PRORP: variants seen among roughly 807,000 people sequenced by gnomAD.
PRORP encodes the protein protein only RNase P catalytic subunit.
In PRORP, 51 loss-of-function variants were observed where a neutral mutation model predicts 59.4. That is an observed-to-expected ratio of 0.86 (90% CI 0.69 to 1.08). The LOEUF (loss-of-function observed/expected upper bound fraction) is 1.08, where lower values mean the gene tolerates loss of function less well. Among genes scored for constraint, PRORP ranks in the 50% least tolerant of loss-of-function variants. The pLI is 0.00. For missense variants in PRORP, 646 were observed against 690.3 expected, an observed-to-expected ratio of 0.94 and a Z score of 0.72; for synonymous variants, 231 against 245.6, an observed-to-expected ratio of 0.94 and a Z score of 0.55.
intron 5 of PRORP, among the ~76,000 whole-genome samples, chr14:35,224,889 T>G (rs888825199): frequency 6.6e-6 from 1 of 150,532 alleles, no homozygotes; most frequent in Non-Finnish European, 1.5e-5. Flanking sequence ...ATGAACTCCT[T>G]TTTTTTTTGG....
intron 4 of PRORP, among the ~76,000 whole-genome samples, chr14:35,170,335 CT>C (rs1257009798): frequency 6.6e-6 from 1 of 151,938 alleles, no homozygotes; most frequent in African/African-American, 2.4e-5. Context: ...AATTGAATTT[CT>C]TTTAATTTGT....
At chr14:35,247,209 G>A (rs531148332) in intron 5 of PRORP, among the ~76,000 whole-genome samples, 4 of 152,204 alleles carry the variant, frequency 2.6e-5, no homozygotes, top group Non-Finnish European at 5.9e-5. Flanking sequence ...TCTATTATGT[G>A]TCTATCCAGT....
chr14:35,186,087 A>AC (rs962702086), intron 5 of PRORP, among the ~76,000 whole-genome samples: 35 of 150,098 alleles, frequency 2.3e-4, no homozygotes, highest in African/African-American at 8.3e-4. Flanking sequence ...GGCTCAAGAC[A>AC]CCCCCCAACC....
At chr14:35,264,116 T>TATTC (rs761138977) in intron 5 of PRORP, among the ~76,000 whole-genome samples, 36 of 152,000 alleles carry the variant, frequency 2.4e-4, no homozygotes, top group African/African-American at 5.5e-4. Flanking sequence ...TTATTTTATT[T>TATTC]ATTCATTCAT....
chr14:35,261,983 A>G (rs927458287), intron 5 of PRORP, among the ~76,000 whole-genome samples: 1 of 152,126 alleles, frequency 6.6e-6, no homozygotes, highest in Non-Finnish European at 1.5e-5. Flanking sequence ...GAATAGTTCA[A>G]GATAGGCTTT....
rs187168469 is a variant in PRORP, at chr14:35,228,098, G to A, written c.1276-38629G>A. ...GTGGAGGTTGCAGTGAGCCAAGATC[G>A]CGCCACTGCACTCCAGCCTGGGCGA... On this transcript the variant is annotated intron_variant, in intron 5 of 7. Transcript: ENST00000534898. Among the ~76,000 whole-genome samples the A allele has an allele frequency of 3.1e-3, 468 of 152,250 alleles. 1 individual carries two copies. Among genetic ancestry groups the A allele is most frequent in the African/African-American group, 8.8e-3 (366 of 41,538 alleles).
chr14:35,155,357 G>A (rs2047887330), intron 4 of PRORP, among the ~76,000 whole-genome samples: 1 of 152,046 alleles, frequency 6.6e-6, no homozygotes, highest in Admixed American at 6.6e-5. Context: ...ATGGGTTCAT[G>A]GGGATTTATT....
intron 4 of PRORP, 117 bp from the exon 5 acceptor site, chr14:35,180,553 T>TGTGTG (rs1555325955): frequency 1.1e-5 from 7 of 624,214 alleles, no homozygotes; most frequent in South Asian, 2.0e-5. Flanking sequence ...TGTGTGTGTA[T>TGTGTG]TTTTAAGGGA....
intron 2 of PRORP, among the ~76,000 whole-genome samples, chr14:35,126,402 G>T (rs777345535): frequency 6.6e-6 from 1 of 152,064 alleles, no homozygotes; most frequent in Non-Finnish European, 1.5e-5. Flanking sequence ...AATTACTCTC[G>T]GCAGGAGCAA....
chr14:35,240,979 CT>C lies in PRORP; in HGVS notation c.1276-25741del, dbSNP rs767659271. Among the ~76,000 whole-genome samples the C allele has an allele frequency of 6.6e-5, 10 of 152,266 alleles. No homozygotes were observed. In the South Asian group the frequency reaches 1.0e-3, roughly 16 times the overall value. On this transcript the variant is annotated intron_variant, in intron 5 of 7. Coordinates refer to ENST00000534898, the MANE Select transcript of PRORP (RefSeq NM_014672.4). ...TGTGTCTGTACTAAACATGTACAGA[CT>C]TTTTTTCTTGTCATTATTCCCTAAA...
intron 5 of PRORP, among the ~76,000 whole-genome samples, chr14:35,248,446 TCA>T (rs2050536453): frequency 6.6e-6 from 1 of 152,252 alleles, no homozygotes; most frequent in South Asian, 2.1e-4. Flanking sequence ...TCCATTTCTC[TCA>T]TTTTCATCAA....
At chr14:35,193,743 A>G (rs1413718635) in intron 5 of PRORP, among the ~76,000 whole-genome samples, 2 of 151,630 alleles carry the variant, frequency 1.3e-5, no homozygotes, top group African/African-American at 2.4e-5. Context: ...GAAATACCCT[A>G]TTATGTTTAC....
chr14:35,149,166 G>A (rs889836695), intron 4 of PRORP, among the ~76,000 whole-genome samples: 6 of 151,046 alleles, frequency 4.0e-5, no homozygotes, highest in South Asian at 2.1e-4. Flanking sequence ...TGATCCGCCC[G>A]CCTCGGCCTC....
intron 5 of PRORP, among the ~76,000 whole-genome samples, chr14:35,240,238 T>A (rs1008879727): frequency 1.3e-5 from 2 of 152,018 alleles, no homozygotes; most frequent in African/African-American, 4.8e-5. Flanking sequence ...TATTTTAGCA[T>A]TCTTTAAAAA....
rs1267581428 is a variant in PRORP, at chr14:35,266,857, G to A, written c.1406G>A (p.Cys469Tyr). Residue 469 changes from cysteine to tyrosine, a missense_variant, in exon 6 of 8, where the codon TGT (cysteine) becomes TAT (tyrosine). By Grantham distance (194) the Cys-to-Tyr change is radical (BLOSUM62 -2). Coordinates refer to ENST00000534898, the MANE Select transcript of PRORP (RefSeq NM_014672.4). ...EMEEVQKQAS[C>Y]FFADDISEDD... ...GAAGAGGTGCAAAAGCAAGCCAGCT[G>A]TTTTTTTGCTGATGACATGTAAGTG... The A allele has an allele frequency of 1.2e-6, 2 of 1,613,962 alleles. No homozygotes were observed. The highest frequency in any genetic ancestry group is 2.7e-5 in the African/African-American group (2 of 74,904).
At chr14:35,160,508 GC>G (rs1376124899) in intron 4 of PRORP, among the ~76,000 whole-genome samples, 3 of 152,004 alleles carry the variant, frequency 2.0e-5, no homozygotes, top group Admixed American at 2.0e-4. Flanking sequence ...GACAAAAATT[GC>G]CCAAACTATT....
chr14:35,144,937 G>A (rs1268161874), intron 4 of PRORP, among the ~76,000 whole-genome samples: 1 of 145,456 alleles, frequency 6.9e-6, no homozygotes, highest in Admixed American at 7.2e-5. Context: ...AGCAGTCTCA[G>A]TACTCAGTAT....
intron 5 of PRORP, among the ~76,000 whole-genome samples, chr14:35,243,767 A>G (rs1196894384): frequency 6.6e-6 from 1 of 152,152 alleles, no homozygotes; most frequent in African/African-American, 2.4e-5. Context: ...GTAAAAGGGA[A>G]GTAGGAGTGG....
intron 4 of PRORP, among the ~76,000 whole-genome samples, chr14:35,148,444 C>T (rs1022158251): frequency 1.3e-5 from 2 of 152,128 alleles, no homozygotes; most frequent in Admixed American, 1.3e-4. Context: ...TAGGTCTCCA[C>T]AGTGGGCTTG....
Sources: allele counts gnomAD v4.1 joint callset (sites outside exome capture counted in the v4.1 genomes callset), GRCh38; gene constraint gnomAD v4.1.1; transcripts MANE v1.5; gene names NCBI Gene and HGNC (gene_info 2026-07-23, HGNC 2026-07-21).